Variants in TRIM4 observed in about 807,000 individuals in gnomAD.
The protein encoded by TRIM4 is E3 ubiquitin-protein ligase TRIM4.
In TRIM4, 29 loss-of-function variants were observed where a neutral mutation model predicts 33.7. The ratio of observed to expected loss-of-function variants is 0.86; its 90% confidence interval spans 0.64 to 1.17. The LOEUF (loss-of-function observed/expected upper bound fraction) is 1.17. TRIM4 is among the 50% of genes most tolerant of loss of function. TRIM4 has a pLI of 0.00. For synonymous variants in TRIM4, 224 were observed against 233.0 expected, an observed-to-expected ratio of 0.96 and a Z score of 0.35; for missense variants, 554 against 593.7, an observed-to-expected ratio of 0.93 and a Z score of 0.69.
intron 3 of TRIM4, among the ~76,000 whole-genome samples, chr7:99,905,924 C>T (rs1819292731): frequency 6.6e-6 from 1 of 151,870 alleles, no homozygotes; most frequent in South Asian, 2.1e-4. Flanking sequence ...GCAGGCGGAT[C>T]ACTCGAGGTC....
At chr7:99,908,393 A>G in intron 3 of TRIM4, 189 bp downstream of exon 3, 2 of 567,504 alleles carry the variant, frequency 3.5e-6, no homozygotes, top group South Asian at 5.1e-5. Context: ...TGAGCTCAGC[A>G]TACCTACATT....
intron 1 of TRIM4, among the ~76,000 whole-genome samples, chr7:99,912,986 C>T (rs10271594): frequency 1.2e-4 from 19 of 152,108 alleles, no homozygotes; most frequent in Admixed American, 5.2e-4. Flanking sequence ...TTATAACTGC[C>T]GCTTTGTGGT....
intron 3 of TRIM4, among the ~76,000 whole-genome samples, chr7:99,906,764 T>C (rs1819316337): frequency 6.6e-6 from 1 of 152,120 alleles, no homozygotes; most frequent in South Asian, 2.1e-4. Context: ...GAAAATTACT[T>C]GAGCCCAGCA....
At position 99,892,695 on chromosome 7, in the gene TRIM4, T is replaced by C; in HGVS notation, c.893A>G (p.Gln298Arg). ...DTAHPKLVFSQEGRYVKNTAS... is the reference protein window; with the variant it reads ...DTAHPKLVFSREGRYVKNTAS... ...TGTATTTTTCACGTATCTCCCTTCC[T>C]GGGAGAAGACGAGTTTGGGATGAGC... Residue 298 changes from glutamine to arginine, a missense_variant, in exon 6 of 6, where the codon CAG becomes CGG. Transcript: ENST00000349062. 2 of 1,614,092 alleles carry C rather than the reference T, an allele frequency of 1.2e-6. No homozygotes were observed. The highest frequency in any genetic ancestry group is 2.2e-5 in the East Asian group (1 of 44,882).
At chr7:99,895,186 A>G (rs576097126) in intron 5 of TRIM4, among the ~76,000 whole-genome samples, 101 of 152,276 alleles carry the variant, frequency 6.6e-4, no homozygotes, top group African/African-American at 2.2e-3. Flanking sequence ...CTTCTTTCCA[A>G]TATAGCACTA....
chr7:99,896,394 G>A (rs1286968811), intron 5 of TRIM4, among the ~76,000 whole-genome samples: 1 of 152,196 alleles, frequency 6.6e-6, no homozygotes, highest in Admixed American at 6.5e-5. Flanking sequence ...AGAGGATCAA[G>A]GCCCTTTGAT....
At chr7:99,897,487 C>A (rs181705142) in intron 5 of TRIM4, among the ~76,000 whole-genome samples, 1 of 152,030 alleles carries the variant, frequency 6.6e-6, no homozygotes, top group Non-Finnish European at 1.5e-5. Flanking sequence ...ATGCTAATTA[C>A]CCTGATTTTA....
At chr7:99,918,186 A>C (rs1819599930) in intron 1 of TRIM4, among the ~76,000 whole-genome samples, 1 of 152,226 alleles carries the variant, frequency 6.6e-6, no homozygotes, top group African/African-American at 2.4e-5. Flanking sequence ...CCATACAAGC[A>C]CCTGAAACGT....
intron 1 of TRIM4, among the ~76,000 whole-genome samples, chr7:99,915,446 CTCTT>C (rs1297522182): frequency 6.6e-6 from 1 of 152,204 alleles, no homozygotes; most frequent in African/African-American, 2.4e-5. Flanking sequence ...GAAGCTATTT[CTCTT>C]TCTCTTTTCT....
In TRIM4 at chr7:99,893,433, T is replaced by A. The variant is rs2151640322; in HGVS notation, c.842-687A>T. Among the ~76,000 whole-genome samples the A allele has an allele frequency of 1.3e-5, 2 of 152,294 alleles. 1 individual carries two copies. Among genetic ancestry groups the A allele is most frequent in the South Asian group, 4.1e-4 (2 of 4,824 alleles). On this transcript the variant is annotated intron_variant, in intron 5 of 5. Coordinates refer to ENST00000349062, the MANE Select transcript of TRIM4 (RefSeq NM_033091.3). ...GGTTCTTTGGCTAGATACACACAGG[T>A]GTCACATAGGACAGAATAATGAGGT...
chr7:99,905,155 A>C (rs138022548), intron 3 of TRIM4, among the ~76,000 whole-genome samples: 11 of 152,308 alleles, frequency 7.2e-5, no homozygotes, highest in African/African-American at 2.6e-4. Context: ...GCAGGAGATG[A>C]CATTTTGCAC....
intron 3 of TRIM4, among the ~76,000 whole-genome samples, chr7:99,904,158 A>G (rs377701784): frequency 7.9e-4 from 121 of 152,350 alleles, no homozygotes; most frequent in African/African-American, 2.8e-3. Flanking sequence ...CCATGAAATG[A>G]AACAGTAGAA....
At chr7:99,904,450 C>A (rs1009493581) in intron 3 of TRIM4, among the ~76,000 whole-genome samples, 3 of 152,132 alleles carry the variant, frequency 2.0e-5, no homozygotes, top group African/African-American at 7.2e-5. Context: ...CAAATGAAAT[C>A]TGGTATCCTG....
intron 1 of TRIM4, among the ~76,000 whole-genome samples, chr7:99,913,593 C>A (rs1032088283): frequency 5.3e-5 from 8 of 152,088 alleles, no homozygotes; most frequent in African/African-American, 1.9e-4. Flanking sequence ...ATCGCTTGAA[C>A]CCGGGAGGTG....
chr7:99,919,317 G>C lies in TRIM4; in HGVS notation c.85C>G (p.His29Asp), dbSNP rs545753250. Residue 29 changes from histidine (H) to aspartate (D), a missense_variant, in exon 1 of 6, where the codon CAC becomes GAC. By Grantham distance (81) the His-to-Asp change is moderately conservative (BLOSUM62 -1). This residue lies in a region of TRIM4 where 233 missense variants were observed against 203.1 expected (regional missense o/e 1.15). Coordinates refer to ENST00000349062, the MANE Select transcript of TRIM4 (RefSeq NM_033091.3). ...TGCAGGCAGCCGCGGCAGAAGTTGT[G>C]GCCGCACTCGATGGACACCGGGTCC... ...FQDPVSIECGHNFCRGCLHRN... is the reference protein window; with the variant it reads ...FQDPVSIECGDNFCRGCLHRN... The C allele has an allele frequency of 2.0e-5, 31 of 1,565,384 alleles. No homozygotes were observed. The African/African-American group carries it at 4.3e-4, about 21-fold the overall frequency.
chr7:99,898,771 G>A (rs1271466020), intron 5 of TRIM4, among the ~76,000 whole-genome samples: 2 of 152,178 alleles, frequency 1.3e-5, no homozygotes, highest in Non-Finnish European at 1.5e-5. Flanking sequence ...GCCCTGGGTG[G>A]AAGCTGCACA....
chr7:99,909,807 A>T (rs1473657792), intron 1 of TRIM4, 147 bp from the exon 2 acceptor site: 1 of 644,194 alleles, frequency 1.6e-6, no homozygotes, highest in Non-Finnish European at 2.6e-6. Context: ...ATCATGGCTC[A>T]CTACAGCCTC....
chr7:99,902,076 C>T, intron 5 of TRIM4: 1 of 764,316 alleles, frequency 1.3e-6, no homozygotes, highest in Admixed American at 1.7e-5. Context: ...TTTCACATTT[C>T]TCAGGAATCA....
chr7:99,909,419 T>C (rs1819385744), intron 2 of TRIM4, 146 bp downstream of exon 2: 1 of 608,230 alleles, frequency 1.6e-6, no homozygotes, highest in African/African-American at 1.9e-5. Flanking sequence ...TTCAGTCACA[T>C]GATATGGAGG....
Sources: gnomAD v4.1 joint callset for allele counts (sites outside exome capture counted in the v4.1 genomes callset) on GRCh38, gnomAD v4.1.1 for gene constraint, gnomAD v4.1.1 regional missense constraint, MANE v1.5 for transcripts, NCBI Gene and HGNC (gene_info 2026-07-23, HGNC 2026-07-21) for gene names.